The following NDST3 variants were observed in gnomAD, a reference collection of about 807,000 sequenced individuals.
NDST3 encodes N-deacetylase and N-sulfotransferase 3.
In NDST3, 58 loss-of-function variants were observed where a neutral mutation model predicts 96.1. That is an observed-to-expected ratio of 0.60 (90% confidence interval 0.49 to 0.75). The LOEUF (loss-of-function observed/expected upper bound fraction) is 0.75, where lower values mean the gene tolerates loss of function less well. Ranked by LOEUF, NDST3 falls within the 30% of genes least tolerant of loss-of-function variation. The pLI is 0.00. For synonymous variants in NDST3, 333 were observed against 359.7 expected, an observed-to-expected ratio of 0.93 and a Z score of 0.84; for missense variants, 788 against 1,034.2, an observed-to-expected ratio of 0.76 and a Z score of 3.27.
chr4:118,174,080 T>C (rs1736124073), intron 6 of NDST3, among the ~76,000 whole-genome samples: 1 of 151,618 alleles, frequency 6.6e-6, no homozygotes, highest in Middle Eastern at 3.2e-3. Flanking sequence ...TTAAATTGAA[T>C]GCTGCGCTTT....
chr4:118,034,068 T>A (rs1013361700), upstream of NDST3, among the ~76,000 whole-genome samples: 2 of 152,190 alleles, frequency 1.3e-5, no homozygotes, highest in Non-Finnish European at 2.9e-5. Context: ...TTTAACCAGC[T>A]TTTTTCTCCT....
chr4:118,247,426 CTTTT>C (rs1741388400), intron 12 of NDST3, among the ~76,000 whole-genome samples: 1 of 152,062 alleles, frequency 6.6e-6, no homozygotes, highest in Non-Finnish European at 1.5e-5. Context: ...GTGGCGCAGG[CTTTT>C]AATCCCAGCT....
At chr4:118,228,910 T>C (rs1484759415) in intron 8 of NDST3, among the ~76,000 whole-genome samples, 2 of 152,238 alleles carry the variant, frequency 1.3e-5, no homozygotes, top group African/African-American at 4.8e-5. Context: ...GCTGTATATA[T>C]CCATATTTTG....
rs145846384 is a variant in NDST3, at chr4:118,045,277, C to T, written c.-155-8479C>T. Among the ~76,000 whole-genome samples the T allele has an allele frequency of 8.8e-3, 1,345 of 152,186 alleles. 6 individuals are homozygous for T. Among genetic ancestry groups the T allele is most frequent in the Middle Eastern group, 0.044 (13 of 294 alleles). On this transcript the variant is annotated intron_variant, in intron 1 of 13. Transcript: ENST00000296499. ...ACTCCACAGTACAGCCTCACCACCC[C>T]CTGGAGCATTCCACAGACTCCCCCA...
chr4:118,124,696 CTCTTT>C (rs1215685425), intron 4 of NDST3, among the ~76,000 whole-genome samples: 3 of 152,012 alleles, frequency 2.0e-5, no homozygotes, highest in Non-Finnish European at 4.4e-5. Flanking sequence ...AAGAATAAGA[CTCTTT>C]TCTTACTGTA....
chr4:118,104,170 G>A (rs992886547), intron 2 of NDST3, among the ~76,000 whole-genome samples: 1 of 152,102 alleles, frequency 6.6e-6, no homozygotes, highest in Non-Finnish European at 1.5e-5. Flanking sequence ...GCCTAATTTG[G>A]ATCTATATCC....
chr4:118,194,531 T>C (rs1737537121), intron 6 of NDST3: 4 of 722,512 alleles, frequency 5.5e-6, no homozygotes, highest in Admixed American at 1.8e-5. Context: ...GGAGAATTTG[T>C]CCTTGTGATC....
chr4:118,198,492 T>C (rs538515819), intron 6 of NDST3, among the ~76,000 whole-genome samples: 6 of 152,214 alleles, frequency 3.9e-5, no homozygotes, highest in Non-Finnish European at 8.8e-5. Context: ...TTTTTGTTAC[T>C]ATTTATATCT....
chr4:118,252,481 C>A (rs986980604), intron 12 of NDST3, among the ~76,000 whole-genome samples: 1 of 152,162 alleles, frequency 6.6e-6, no homozygotes, highest in Non-Finnish European at 1.5e-5. Context: ...TCCTTCACAG[C>A]ATATCCTTAA....
chr4:118,114,189 G>A (rs1730868232), intron 3 of NDST3, among the ~76,000 whole-genome samples: 1 of 152,296 alleles, frequency 6.6e-6, no homozygotes, highest in East Asian at 1.9e-4. Context: ...AGCTTGGATT[G>A]TTTTGATAGT....
rs191939347 is a variant in NDST3, at chr4:118,197,830, T to C, written c.1540-26661T>C. Among the ~76,000 whole-genome samples, 8 of 146,560 alleles carry C rather than the reference T, an allele frequency of 5.5e-5. No individual in the cohort carries two copies. The East Asian group carries it at 1.6e-3, about 29-fold the overall frequency. ...TTTTTTTTTTTTTTGAGATGGAGTC[T>C]CACTCTGTCACCAGGCTGGAGTACG... On this transcript the variant is annotated intron_variant, in intron 6 of 13. Coordinates refer to ENST00000296499, the MANE Select transcript of NDST3 (RefSeq NM_004784.3).
chr4:118,232,346 C>CA (rs752206393), intron 8 of NDST3, among the ~76,000 whole-genome samples: 1 of 152,086 alleles, frequency 6.6e-6, no homozygotes, highest in East Asian at 1.9e-4. Flanking sequence ...AAAGCTGAGA[C>CA]AGGTCAGGAG....
At chr4:118,053,456 G>A (rs1386995666) in intron 1 of NDST3, among the ~76,000 whole-genome samples, 1 of 151,930 alleles carries the variant, frequency 6.6e-6, no homozygotes. Flanking sequence ...TGACCTCTCC[G>A]TGGTCTTTGT....
intron 2 of NDST3, among the ~76,000 whole-genome samples, chr4:118,074,319 G>A (rs1727320365): frequency 1.3e-5 from 2 of 152,040 alleles, no homozygotes; most frequent in Admixed American, 1.3e-4. Flanking sequence ...CTTAGGTACC[G>A]AATATCTTTG....
chr4:118,245,179 G>C (rs1741236716), intron 12 of NDST3, among the ~76,000 whole-genome samples: 1 of 152,120 alleles, frequency 6.6e-6, no homozygotes, highest in South Asian at 2.1e-4. Flanking sequence ...TGAACTTTTA[G>C]TTTTGCCATG....
intron 2 of NDST3, among the ~76,000 whole-genome samples, chr4:118,070,602 C>T (rs374307958): frequency 1.3e-4 from 20 of 151,402 alleles, no homozygotes; most frequent in African/African-American, 3.9e-4. Context: ...TTATCAAATC[C>T]GTCATCTATG....
In NDST3 at chr4:118,058,626, TGTGTGTGTGCGC is replaced by T. The variant is rs1402432675; in HGVS notation, c.981+3737_981+3748del. Among the ~76,000 whole-genome samples the T allele has an allele frequency of 2.9e-3, 245 of 85,264 alleles. 1 individual carries two copies. Among genetic ancestry groups the T allele is most frequent in the African/African-American group, 7.9e-3 (230 of 29,018 alleles). The allele number at this position is 85,264 out of a possible 152,430, so 55.9% of individuals were successfully genotyped here. On this transcript the variant is annotated intron_variant, in intron 2 of 13. Coordinates refer to ENST00000296499, the MANE Select transcript of NDST3 (RefSeq NM_004784.3). The stretch of plus-strand genomic sequence containing the variant: ...GTGTGTGTGTGTGTGTGTGTGTGTG[TGTGTGTGTGCGC>T]GCGCGCGCACGCATGCATGCAAACG...
intron 2 of NDST3, among the ~76,000 whole-genome samples, chr4:118,087,873 T>C (rs1728556196): frequency 6.6e-6 from 1 of 152,114 alleles, no homozygotes; most frequent in Non-Finnish European, 1.5e-5. Context: ...TTACCAGTTC[T>C]TGAATGGGAT....
intron 2 of NDST3, among the ~76,000 whole-genome samples, chr4:118,056,512 T>A (rs999592137): frequency 6.6e-6 from 1 of 152,056 alleles, no homozygotes; most frequent in Non-Finnish European, 1.5e-5. Context: ...CTGGGTTTTT[T>A]AATTACTTCT....
Sources: gnomAD v4.1 joint callset for allele counts (sites outside exome capture counted in the v4.1 genomes callset) on GRCh38, gnomAD v4.1.1 for gene constraint, MANE v1.5 for transcripts, NCBI Gene and HGNC (gene_info 2026-07-23, HGNC 2026-07-21) for gene names.